The following TLN2 variants were observed in gnomAD, a reference collection of about 807,000 sequenced individuals.
TLN2 encodes the protein talin-2.
A neutral mutation model predicts 294.7 loss-of-function variants in TLN2; 118 were observed. The ratio of observed to expected loss-of-function variants is 0.40; its 90% CI spans 0.34 to 0.47. The LOEUF (loss-of-function observed/expected upper bound fraction) is 0.47. Ranked by LOEUF, TLN2 falls within the 20% of genes least tolerant of loss-of-function variation. The pLI is 0.84. For missense variants in TLN2, 3,083 were observed against 3,282.2 expected (o/e 0.94, Z 1.48); for synonymous variants, 1,431 against 1,304.5 (o/e 1.10, Z -2.09).
chr15:62,720,767 C>T (rs1345164236), intron 25 of TLN2, among the ~76,000 whole-genome samples: 2 of 151,400 alleles, frequency 1.3e-5, no homozygotes, highest in Non-Finnish European at 2.9e-5. Context: ...TTTGAATAAT[C>T]TTCTGTTATA....
At chr15:62,473,632 A>C (rs993062289) in intron 1 of TLN2, among the ~76,000 whole-genome samples, 2 of 152,214 alleles carry the variant, frequency 1.3e-5, no homozygotes, top group African/African-American at 2.4e-5. Flanking sequence ...ACTGAAAACT[A>C]TTAAGTGAAG....
At chr15:62,775,053 T>C (rs1164140257) in intron 42 of TLN2, among the ~76,000 whole-genome samples, 2 of 144,454 alleles carry the variant, frequency 1.4e-5, no homozygotes, top group East Asian at 2.2e-4. Context: ...ACCTCCCGGG[T>C]TCACGCCATT....
At chr15:62,763,976 T>C (rs2062835866) in intron 40 of TLN2, among the ~76,000 whole-genome samples, 1 of 152,160 alleles carries the variant, frequency 6.6e-6, no homozygotes, top group South Asian at 2.1e-4. Context: ...ATCAAGGTAA[T>C]TTAGGGGTAC....
chr15:62,791,913 C>T (rs1482942021), intron 45 of TLN2, among the ~76,000 whole-genome samples: 2 of 152,352 alleles, frequency 1.3e-5, no homozygotes, highest in Admixed American at 6.5e-5. Flanking sequence ...AGCTAATCCA[C>T]AGCGGAGCCC....
At chr15:62,779,423 AAAAG>A (rs1338092838) in intron 43 of TLN2, among the ~76,000 whole-genome samples, 1 of 152,248 alleles carries the variant, frequency 6.6e-6, no homozygotes, top group Non-Finnish European at 1.5e-5. Context: ...GCTGTTTTAT[AAAAG>A]AAAGGTCATG....
At chr15:62,440,232 T>G (rs550999593) in intron 1 of TLN2, among the ~76,000 whole-genome samples, 241 of 152,338 alleles carry the variant, frequency 1.6e-3, no homozygotes, top group Admixed American at 2.9e-3. Flanking sequence ...TTTCTGCCTC[T>G]CAGAGGGAGA....
chr15:62,632,160 A>T (rs2049962006), intron 3 of TLN2, among the ~76,000 whole-genome samples: 1 of 152,262 alleles, frequency 6.6e-6, no homozygotes, highest in Non-Finnish European at 1.5e-5. Flanking sequence ...GATAATAAGT[A>T]GTTAACGGAG....
At chr15:62,521,132 C>T (rs1182514134) in intron 1 of TLN2, among the ~76,000 whole-genome samples, 1 of 152,150 alleles carries the variant, frequency 6.6e-6, no homozygotes, top group East Asian at 1.9e-4. Flanking sequence ...CATGCTTAAA[C>T]TGCAAATCTG....
chr15:62,640,295 T>C (rs920468914), intron 3 of TLN2: 1 of 456,040 alleles, frequency 2.2e-6, no homozygotes, highest in Non-Finnish European at 4.4e-6. Flanking sequence ...AGATGAATTA[T>C]AGCAAGTACA....
chr15:62,646,745 G>C (rs1007890625), intron 3 of TLN2, among the ~76,000 whole-genome samples: 1 of 152,176 alleles, frequency 6.6e-6, no homozygotes, highest in African/African-American at 2.4e-5. Context: ...ATTGACACAG[G>C]CTCTTAGTGA....
intron 1 of TLN2, among the ~76,000 whole-genome samples, chr15:62,488,542 G>T (rs191372494): frequency 1.3e-5 from 2 of 152,296 alleles, no homozygotes; most frequent in East Asian, 3.9e-4. Flanking sequence ...CTGCAAAATG[G>T]CCAGAATTTA....
intron 1 of TLN2, 89 bp from the exon 2 acceptor site, chr15:62,589,598 C>T (rs1191260446): frequency 6.6e-6 from 1 of 152,134 alleles, no homozygotes; most frequent in Non-Finnish European, 1.5e-5. Context: ...TCCTTTCATG[C>T]TTAGTGTGGG....
intron 37 of TLN2, among the ~76,000 whole-genome samples, chr15:62,758,140 C>T (rs930725420): frequency 5.3e-5 from 8 of 152,142 alleles, no homozygotes; most frequent in African/African-American, 1.9e-4. Flanking sequence ...TCCCAGCTGC[C>T]ACACCCTTAT....
chr15:62,738,122 C>T, intron 29 of TLN2, 92 bp from the exon 30 acceptor site: 1 of 1,473,830 alleles, frequency 6.8e-7, no homozygotes, highest in Admixed American at 1.8e-5. Flanking sequence ...ATTTCCGTAT[C>T]TGCTTCAGCT....
intron 1 of TLN2, among the ~76,000 whole-genome samples, chr15:62,433,496 C>A (rs2054731289): frequency 6.6e-6 from 1 of 152,102 alleles, no homozygotes; most frequent in African/African-American, 2.4e-5. Flanking sequence ...TGGTGTTAGC[C>A]AATCTCAGGG....
chr15:62,673,094 G>GTGTGTGTC (rs1326273000), intron 9 of TLN2, among the ~76,000 whole-genome samples: 2 of 150,580 alleles, frequency 1.3e-5, no homozygotes, highest in Admixed American at 6.7e-5. Context: ...GTGTGTGTGT[G>GTGTGTGTC]TGTGTCTGTG....
At chr15:62,504,253 C>A (rs1337492792) in intron 1 of TLN2, among the ~76,000 whole-genome samples, 1 of 152,170 alleles carries the variant, frequency 6.6e-6, no homozygotes, top group Non-Finnish European at 1.5e-5. Context: ...CCAAATTGAT[C>A]TATAGGTCCA....
At chr15:62,560,325 C>T (rs1456889267) in intron 1 of TLN2, among the ~76,000 whole-genome samples, 1 of 152,154 alleles carries the variant, frequency 6.6e-6, no homozygotes, top group Admixed American at 6.5e-5. Flanking sequence ...ACTGCAACCT[C>T]CACCTCCCGG....
At chr15:62,427,452 C>T (rs2034776132) in intron 1 of TLN2, among the ~76,000 whole-genome samples, 1 of 152,094 alleles carries the variant, frequency 6.6e-6, no homozygotes, top group Non-Finnish European at 1.5e-5. Context: ...GAGTGAGCCC[C>T]CCAAGTGGGA....
Sources: allele counts gnomAD v4.1 joint callset (sites outside exome capture counted in the v4.1 genomes callset), GRCh38; gene constraint gnomAD v4.1.1; transcripts MANE v1.5; gene names NCBI Gene and HGNC (gene_info 2026-07-23, HGNC 2026-07-21).